Variants in STAG1 observed in about 807,000 individuals in gnomAD.
STAG1 encodes the protein STAG1 cohesin complex component, also known as cohesin subunit SA-1.
In STAG1, 26 loss-of-function variants were observed where a neutral mutation model predicts 170.9. The ratio of observed to expected loss-of-function variants is 0.15; its 90% confidence interval spans 0.11 to 0.21. The LOEUF is 0.21. Ranked by LOEUF, STAG1 falls within the 10% of genes least tolerant of loss-of-function variation. The pLI is 1.00. For synonymous variants in STAG1, 514 were observed against 497.7 expected (o/e 1.03, Z -0.44); for missense variants, 964 against 1,509.5 (o/e 0.64, Z 5.99).
chr3:136,732,348 A>G (rs1934091687), intron 1 of STAG1, among the ~76,000 whole-genome samples: 1 of 152,018 alleles, frequency 6.6e-6, no homozygotes, highest in Admixed American at 6.6e-5. Flanking sequence ...TAACTTTCCA[A>G]CTTTGCTCTT....
At chr3:136,659,464 A>G (rs1941502270) in intron 1 of STAG1, among the ~76,000 whole-genome samples, 1 of 152,182 alleles carries the variant, frequency 6.6e-6, no homozygotes, top group Non-Finnish European at 1.5e-5. Flanking sequence ...GTGACCCGAG[A>G]GTTGCCATAG....
chr3:136,469,239 C>T lies in STAG1; in HGVS notation c.1205+3174G>A, dbSNP rs149048618. ...GGATTGTATATTTAGAAAACCCCAT[C>T]GTCTCAGCCCAAAATCTCCTTAAGC... On this transcript the variant is annotated intron_variant, in intron 12 of 33. Transcript: ENST00000383202. Among the ~76,000 whole-genome samples the T allele has an allele frequency of 7.0e-3, 1,060 of 152,250 alleles. 9 individuals are homozygous for T. The highest frequency in any genetic ancestry group is 0.023 in the African/African-American group (956 of 41,552).
intron 12 of STAG1, among the ~76,000 whole-genome samples, chr3:136,470,201 C>A (rs919694905): frequency 6.6e-6 from 1 of 152,112 alleles, no homozygotes; most frequent in Non-Finnish European, 1.5e-5. Context: ...AACAGGCAAC[C>A]TACAGAATGG....
chr3:136,501,836 G>A lies in STAG1; in HGVS notation c.828+792C>T, dbSNP rs370668722. Reference sequence around the variant, plus strand: ...TCAAGTTATAAGATAGACTAATAGTGCAGATCTAAGATTTTATGTAGTATT... The same window carrying A: ...TCAAGTTATAAGATAGACTAATAGTACAGATCTAAGATTTTATGTAGTATT... On this transcript the variant is annotated intron_variant, in intron 8 of 33. Coordinates refer to ENST00000383202, the MANE Select transcript of STAG1 (RefSeq NM_005862.3). Among the ~76,000 whole-genome samples, 99 of 152,134 alleles carry A rather than the reference G, an allele frequency of 6.5e-4. 1 individual carries two copies. The South Asian group carries it at 0.02, about 31-fold the overall frequency.
intron 5 of STAG1, among the ~76,000 whole-genome samples, chr3:136,561,278 G>T (rs1936828834): frequency 6.6e-6 from 1 of 152,042 alleles, no homozygotes; most frequent in Non-Finnish European, 1.5e-5. Context: ...TATAGATTTT[G>T]AGTCAGTTAA....
intron 12 of STAG1, among the ~76,000 whole-genome samples, chr3:136,468,189 A>C (rs1427098480): frequency 1.3e-5 from 2 of 152,162 alleles, no homozygotes; most frequent in African/African-American, 2.4e-5. Context: ...AGACACAAAA[A>C]ACTCTTCAAA....
intron 1 of STAG1, among the ~76,000 whole-genome samples, chr3:136,685,103 T>C (rs1942468653): frequency 1.3e-5 from 2 of 152,016 alleles, no homozygotes; most frequent in Admixed American, 1.3e-4. Context: ...TCACCTGAGG[T>C]GAGGAGTTCG....
chr3:136,392,563 G>A (rs1369298351), intron 22 of STAG1, among the ~76,000 whole-genome samples: 2 of 151,890 alleles, frequency 1.3e-5, no homozygotes, highest in Non-Finnish European at 2.9e-5. Context: ...TCAGCAGATC[G>A]AGACCATCCT....
chr3:136,567,273 T>C (rs569296447), intron 5 of STAG1, among the ~76,000 whole-genome samples: 1 of 152,354 alleles, frequency 6.6e-6, no homozygotes, highest in East Asian at 1.9e-4. Context: ...TCATCAGTGC[T>C]TGCCTCACCT....
chr3:136,353,460 TAAGAG>T (rs1440145195), intron 28 of STAG1, among the ~76,000 whole-genome samples: 1 of 152,122 alleles, frequency 6.6e-6, no homozygotes, highest in Admixed American at 6.5e-5. Context: ...ATGAAAGTAG[TAAGAG>T]AAAAGTAATT....
In STAG1 at chr3:136,506,399, G is replaced by T. The variant is rs1033201591; in HGVS notation, c.677-3620C>A. ...TAATCCCAGCACTTTGGGAGTCTGA[G>T]GCAGGTGGATCACTGGAGGTCAGGA... On this transcript the variant is annotated intron_variant, in intron 7 of 33. Coordinates refer to ENST00000383202, the MANE Select transcript of STAG1 (RefSeq NM_005862.3). Among the ~76,000 whole-genome samples, 4 of 151,542 alleles carry T rather than the reference G, an allele frequency of 2.6e-5. No homozygotes were observed. The East Asian group carries it at 7.8e-4, about 29-fold the overall frequency.
intron 13 of STAG1, among the ~76,000 whole-genome samples, chr3:136,463,417 A>G (rs189812022): frequency 2.5e-4 from 38 of 152,310 alleles, no homozygotes; most frequent in Non-Finnish European, 5.0e-4. Flanking sequence ...TCCATGATTT[A>G]TAGTTGTACT....
chr3:136,392,200 T>C (rs2108329315), intron 22 of STAG1, among the ~76,000 whole-genome samples: 1 of 152,150 alleles, frequency 6.6e-6, no homozygotes. Context: ...GATGAAACAA[T>C]GAAAAACACA....
rs980399789 is a variant in STAG1 at position 136,748,192 on chromosome 3, G to A, written c.-84+4003C>T. Among the ~76,000 whole-genome samples the A allele has an allele frequency of 2.9e-4, 44 of 151,898 alleles. 1 individual carries two copies. The highest frequency in any genetic ancestry group is 1.0e-3 in the African/African-American group (43 of 41,546). Reference sequence around the variant, plus strand: ...AGACGGTTTCAGGTCAAGAGTTTCAGGTCAAGAGACCAGCCTGGCCAACAA... The same window carrying A: ...AGACGGTTTCAGGTCAAGAGTTTCAAGTCAAGAGACCAGCCTGGCCAACAA... On this transcript the variant is annotated intron_variant, in intron 1 of 33. Coordinates refer to ENST00000383202, the MANE Select transcript of STAG1 (RefSeq NM_005862.3).
intron 1 of STAG1, among the ~76,000 whole-genome samples, chr3:136,718,961 C>T (rs1451481869): frequency 6.6e-6 from 1 of 152,076 alleles, no homozygotes; most frequent in Non-Finnish European, 1.5e-5. Context: ...GGGGGCAAAA[C>T]AGTACAACCA....
chr3:136,364,250 T>A (rs1188112488), intron 25 of STAG1, among the ~76,000 whole-genome samples: 3 of 151,282 alleles, frequency 2.0e-5, no homozygotes, highest in Admixed American at 6.6e-5. Context: ...GATCGGGTAA[T>A]TTTTATATTT....
In STAG1 at chr3:136,612,212, A is replaced by C. The variant is rs1939331315; in HGVS notation, c.133-7739T>G. 3.3e-5 allele frequency among the ~76,000 whole-genome samples: 5 copies of C among 152,186 alleles called. No homozygotes were observed. In the South Asian group the frequency reaches 1.0e-3, roughly 31 times the overall value. ...AAAGTTTCGAACTTCAGAGCATTTC[A>C]GATTTCAGATTTTTCTATTAGGGTT... On this transcript the variant is annotated intron_variant, in intron 3 of 33. Coordinates refer to ENST00000383202, the MANE Select transcript of STAG1 (RefSeq NM_005862.3).
intron 2 of STAG1, among the ~76,000 whole-genome samples, chr3:136,629,813 T>A (rs1940255466): frequency 1.3e-5 from 2 of 152,314 alleles, no homozygotes; most frequent in South Asian, 4.1e-4. Flanking sequence ...AGAATCAAAG[T>A]ATGCAGATTC....
intron 4 of STAG1, among the ~76,000 whole-genome samples, chr3:136,582,577 T>G (rs1937613147): frequency 6.6e-6 from 1 of 152,164 alleles, no homozygotes; most frequent in Admixed American, 6.5e-5. Context: ...GGTGGGTGGA[T>G]CATCTGAGGT....
Sources: gnomAD v4.1 joint callset for allele counts (sites outside exome capture counted in the v4.1 genomes callset) on GRCh38, gnomAD v4.1.1 for gene constraint, MANE v1.5 for transcripts, NCBI Gene and HGNC (gene_info 2026-07-23, HGNC 2026-07-21) for gene names.